Variants in ZC3H12B observed in about 807,000 individuals in gnomAD.
The protein encoded by ZC3H12B is zinc finger CCCH-type containing 12B.
Under a neutral mutation model 43.9 loss-of-function variants are expected in ZC3H12B, and 7 were observed. The observed-to-expected ratio is 0.16, with a 90% CI of 0.09 to 0.30. ZC3H12B has a LOEUF of 0.30. Ranked by LOEUF, ZC3H12B falls within the 10% of genes least tolerant of loss-of-function variation. ZC3H12B has a pLI of 1.00. For synonymous variants in ZC3H12B, 222 were observed against 241.7 expected (o/e 0.92, Z 0.76); for missense variants, 475 against 670.2 (o/e 0.71, Z 3.22).
the ZC3H12B span, among the ~76,000 whole-genome samples, chrX:65,210,851 T>G: frequency 4.3e-3 from 177 of 41,231 alleles, no homozygotes; most frequent in Non-Finnish European, 6.3e-3. Flanking sequence ...TTCTCACTCA[T>G]AGGTGGGAAT....
intron 3 of ZC3H12B, among the ~76,000 whole-genome samples, chrX:65,458,659 A>G (rs925607920): frequency 1.8e-5 from 2 of 112,179 alleles, no homozygotes; most frequent in Non-Finnish European, 3.8e-5. Flanking sequence ...CTTTGAAACC[A>G]ATGAGAACAA....
chrX:65,218,565 G>A, the ZC3H12B span, among the ~76,000 whole-genome samples: 1 of 110,461 alleles, frequency 9.1e-6, no homozygotes, highest in African/African-American at 3.3e-5. Context: ...TTTTCTCTAG[G>A]GACCTTTGTG....
chrX:65,213,306 A>G, the ZC3H12B span, among the ~76,000 whole-genome samples: 128 of 110,356 alleles, frequency 1.2e-3, 2 homozygotes, highest in African/African-American at 4.0e-3. Flanking sequence ...TCCTTTAGTG[A>G]TGGGCACCTA....
chrX:65,459,592 A>G (rs1164172943), intron 3 of ZC3H12B, among the ~76,000 whole-genome samples: 1 of 112,139 alleles, frequency 8.9e-6, no homozygotes, highest in Admixed American at 9.5e-5. Context: ...TATAAACAGA[A>G]CCAATGACAA....
chrX:65,233,876 CA>C, the ZC3H12B span, among the ~76,000 whole-genome samples: 3 of 110,980 alleles, frequency 2.7e-5, no homozygotes, highest in African/African-American at 6.5e-5. Context: ...AAACGAGAGA[CA>C]AAAAAAGAGA....
chrX:65,179,001 A>G, the ZC3H12B span, among the ~76,000 whole-genome samples: 1 of 112,352 alleles, frequency 8.9e-6, no homozygotes, highest in African/African-American at 3.2e-5. Context: ...AAGACTTGGA[A>G]CCAATGCAAA....
At chrX:65,250,040 A>T in the ZC3H12B span, among the ~76,000 whole-genome samples, 2 of 110,140 alleles carry the variant, frequency 1.8e-5, no homozygotes, top group African/African-American at 6.6e-5. Flanking sequence ...TGCATTCATT[A>T]TCTCATCATT....
chrX:65,213,114 A>G, the ZC3H12B span, among the ~76,000 whole-genome samples: 2 of 108,248 alleles, frequency 1.8e-5, no homozygotes, highest in Non-Finnish European at 3.8e-5. Context: ...ATCCTTGTAA[A>G]TTGTTTATTT....
chrX:65,255,094 G>A, the ZC3H12B span, among the ~76,000 whole-genome samples: 2 of 111,729 alleles, frequency 1.8e-5, no homozygotes, highest in African/African-American at 6.5e-5. Context: ...ATTCATCAAC[G>A]TCCCTGAAGA....
chrX:65,137,108 C>G, the ZC3H12B span, among the ~76,000 whole-genome samples: 1 of 111,769 alleles, frequency 8.9e-6, no homozygotes, highest in Non-Finnish European at 1.9e-5. Context: ...TCAAATTTAG[C>G]AAACCTTTAT....
chrX:65,507,707 T>C (rs1184640469), exon 5 of ZC3H12B: 1 of 111,939 alleles, frequency 8.9e-6, no homozygotes, highest in African/African-American at 3.2e-5. Context: ...CTTCCCCAGT[T>C]TTGTCTGCCC....
chrX:65,371,415 T>C (rs997766311), intron 2 of ZC3H12B, among the ~76,000 whole-genome samples: 1 of 111,774 alleles, frequency 8.9e-6, no homozygotes, highest in Non-Finnish European at 1.9e-5. Flanking sequence ...CCAACTGTGG[T>C]CTATTTCTAA....
the ZC3H12B span, among the ~76,000 whole-genome samples, chrX:65,335,625 C>A: frequency 2.4e-3 from 266 of 111,505 alleles, 2 homozygotes; most frequent in Non-Finnish European, 4.1e-3. Context: ...AAATGAGAAA[C>A]GACTCATTCC....
chrX:65,293,356 C>A, the ZC3H12B span, among the ~76,000 whole-genome samples: 1 of 110,721 alleles, frequency 9.0e-6, no homozygotes, highest in African/African-American at 3.3e-5. Context: ...TGAACAACAG[C>A]TCTTGAGCCC....
At chrX:65,472,976 G>GTA (rs1233764716) in intron 3 of ZC3H12B, among the ~76,000 whole-genome samples, 937 of 73,429 alleles carry the variant, frequency 0.013, 38 homozygotes, top group Admixed American at 0.061. Context: ...GTATGTGTGT[G>GTA]TATATATATA....
chrX:65,250,837 G>A, the ZC3H12B span, among the ~76,000 whole-genome samples: 14 of 111,312 alleles, frequency 1.3e-4, no homozygotes, highest in Middle Eastern at 4.6e-3. Context: ...CTGGATATTA[G>A]CCCTTTGTCA....
At chrX:65,121,464 G>T in the ZC3H12B span, among the ~76,000 whole-genome samples, 1 of 111,556 alleles carries the variant, frequency 9.0e-6, no homozygotes, top group African/African-American at 3.3e-5. Context: ...TTCTCTGATG[G>T]TAGTTTGTAT....
chrX:65,054,186 G>T, the ZC3H12B span, among the ~76,000 whole-genome samples: 1 of 111,978 alleles, frequency 8.9e-6, no homozygotes, highest in African/African-American at 3.3e-5. Context: ...CCTTGCCCAT[G>T]CCTATGTCCT....
chrX:65,290,559 G>A, the ZC3H12B span, among the ~76,000 whole-genome samples: 1 of 111,747 alleles, frequency 8.9e-6, no homozygotes, highest in Non-Finnish European at 1.9e-5. Flanking sequence ...CTGCACTCAT[G>A]TTAATTGGAG....
Sources: gnomAD v4.1 joint callset for allele counts (sites outside exome capture counted in the v4.1 genomes callset) on GRCh38, gnomAD v4.1.1 for gene constraint, MANE v1.5 for transcripts, NCBI Gene and HGNC (gene_info 2026-07-23, HGNC 2026-07-21) for gene names.